ISM1: variants seen among roughly 807,000 people sequenced by gnomAD.
The protein encoded by ISM1 is isthmin 1.
In ISM1, 25 loss-of-function variants were observed where a neutral mutation model predicts 46.3. The observed-to-expected ratio is 0.54, with a 90% CI of 0.39 to 0.75. The LOEUF is 0.75. Among genes scored for constraint, ISM1 ranks in the 30% least tolerant of loss-of-function variants. ISM1 has a pLI of 0.00. For synonymous variants in ISM1, 255 were observed against 256.7 expected (o/e 0.99, Z 0.06); for missense variants, 536 against 625.4 (o/e 0.86, Z 1.52).
intron 1 of ISM1, among the ~76,000 whole-genome samples, chr20:13,224,841 CTTTTTT>C (rs1162270732): frequency 1.9e-5 from 2 of 107,256 alleles, no homozygotes. Flanking sequence ...AGCTTTCTTT[CTTTTTT>C]TTTTTTTTTT....
In ISM1 at chr20:13,299,763, T is replaced by G. The variant is rs186187289; in HGVS notation, c.*304T>G. On this transcript the variant is annotated 3_prime_UTR_variant, in exon 6 of 6. Coordinates refer to ENST00000262487, the MANE Select transcript of ISM1 (RefSeq NM_080826.2). This position sits in a 1 kb window ranked among gnomAD's most constrained non-coding sequence, Gnocchi z 5.8. ...GAAGCCACAGTGGGTGCGACTCAAT[T>G]CACACCCGGATCCAGAGTTTCAAAG... 148 of 287,926 alleles carry G rather than the reference T, an allele frequency of 5.1e-4. 1 individual carries two copies. The highest frequency in any genetic ancestry group is 2.8e-4 in the Non-Finnish European group (42 of 152,664). The allele number at this position is 287,926 out of a possible 1,614,324, so 17.8% of individuals were successfully genotyped here. A position where few individuals can be genotyped will look rare whatever the true frequency, so the allele number is the denominator to read the frequency against.
intron 5 of ISM1, among the ~76,000 whole-genome samples, chr20:13,294,561 C>G (rs370176762): frequency 1.3e-5 from 2 of 152,302 alleles, no homozygotes; most frequent in African/African-American, 4.8e-5. Flanking sequence ...CTAAGGACAC[C>G]AGAGCTGAGT....
At chr20:13,267,143 A>G (rs1315574940) in intron 1 of ISM1, among the ~76,000 whole-genome samples, 1 of 152,138 alleles carries the variant, frequency 6.6e-6, no homozygotes. Flanking sequence ...AGGATTTCCA[A>G]TTTCTTAACA....
the ISM1 span, among the ~76,000 whole-genome samples, chr20:13,324,290 G>A: frequency 6.6e-6 from 1 of 152,184 alleles, no homozygotes; most frequent in Admixed American, 6.5e-5. Context: ...GAATCAATTA[G>A]CTTAAAAATT....
chr20:13,279,962 A>G, intron 3 of ISM1, 64 bp downstream of exon 3: 14 of 1,492,420 alleles, frequency 9.4e-6, no homozygotes, highest in Non-Finnish European at 1.3e-5. Context: ...TGCCTTGGAC[A>G]TGGAGCCAAG....
the ISM1 span, among the ~76,000 whole-genome samples, chr20:13,314,607 GC>G: frequency 6.6e-6 from 1 of 152,052 alleles, no homozygotes; most frequent in Non-Finnish European, 1.5e-5. Flanking sequence ...CAGTAGAAGT[GC>G]CTTGCAAGAA....
Position 13,299,565 on chromosome 20 carries a change from ATTTG to A in ISM1, c.*108_*111del. The A allele has an allele frequency of 7.0e-6, 7 of 1,004,126 alleles. No homozygotes were observed. Among genetic ancestry groups the A allele is most frequent in the South Asian group, 1.5e-5 (1 of 65,510 alleles). The allele number at this position is 1,004,126 out of a possible 1,614,324, so 62.2% of individuals were successfully genotyped here. A position where few individuals can be genotyped will look rare whatever the true frequency, so the allele number is the denominator to read the frequency against. ...GACCTTCATAGCTGCGGTCGTGTAT[ATTTG>A]TATATACCACATGAGTATTTCTCAT... On this transcript the variant is annotated 3_prime_UTR_variant, in exon 6 of 6. Coordinates refer to ENST00000262487, the MANE Select transcript of ISM1 (RefSeq NM_080826.2). This position sits in a 1 kb window ranked among gnomAD's most constrained non-coding sequence, Gnocchi z 5.8.
At chr20:13,290,672 A>G (rs1344040949) in intron 4 of ISM1, among the ~76,000 whole-genome samples, 1 of 152,206 alleles carries the variant, frequency 6.6e-6, no homozygotes, top group Non-Finnish European at 1.5e-5. Flanking sequence ...CAAAAAAAGA[A>G]AGAAAGAAAA....
chr20:13,325,013 T>C, the ISM1 span, among the ~76,000 whole-genome samples: 1 of 152,226 alleles, frequency 6.6e-6, no homozygotes, highest in African/African-American at 2.4e-5. Context: ...TGCAGCTATT[T>C]CTCTATTGCT....
At chr20:13,276,048 T>G (rs149685415) in intron 2 of ISM1, among the ~76,000 whole-genome samples, 236 of 152,346 alleles carry the variant, frequency 1.5e-3, no homozygotes, top group Non-Finnish European at 2.7e-3. Context: ...GGGAATTAGA[T>G]ATCTTCCTAG....
At chr20:13,266,570 C>T (rs1442828446) in intron 1 of ISM1, among the ~76,000 whole-genome samples, 4 of 151,992 alleles carry the variant, frequency 2.6e-5, no homozygotes, top group African/African-American at 9.7e-5. Context: ...AACTCATTGT[C>T]GATGTTAACT....
intron 1 of ISM1, among the ~76,000 whole-genome samples, chr20:13,226,507 TATTTCTTCATGA>T (rs1237140296): frequency 6.6e-6 from 1 of 152,228 alleles, no homozygotes; most frequent in African/African-American, 2.4e-5. Flanking sequence ...ACCACCATTT[TATTTCTTCATGA>T]ATTTGTATGA....
intron 5 of ISM1, among the ~76,000 whole-genome samples, chr20:13,293,559 C>G (rs2040376679): frequency 6.6e-6 from 1 of 151,702 alleles, no homozygotes; most frequent in African/African-American, 2.4e-5. Context: ...CAAAAATGTT[C>G]CTCAAATGCC....
At position 13,299,046 on chromosome 20, in the gene ISM1, A is replaced by G. The variant is rs576266551; in HGVS notation, c.982A>G (p.Thr328Ala). Residue 328 changes from threonine (T) to alanine (A), a missense_variant, in exon 6 of 6, where the codon ACT becomes GCT. Thr to Ala is a moderately conservative substitution (Grantham distance 58). Transcript: ENST00000262487. This position sits in a 1 kb window ranked among gnomAD's most constrained non-coding sequence, Gnocchi z 5.8. ...DLPSCPCSYP[T>A]EVAYSTADIF... ...GCCCAGCTGCCCCTGCTCCTACCCC[A>G]CTGAGGTGGCCTACAGCACGGCCGA... 3.1e-6 allele frequency: 5 copies of G among 1,613,762 alleles called. No individual in the cohort carries two copies. In the Admixed American group the frequency reaches 6.7e-5, roughly 22 times the overall value.
chr20:13,296,110 AT>A (rs1302397753), intron 5 of ISM1, among the ~76,000 whole-genome samples: 14 of 152,052 alleles, frequency 9.2e-5, no homozygotes, highest in Admixed American at 6.5e-5. Flanking sequence ...GCTTCCTTAG[AT>A]ATGCCTCATC....
chr20:13,291,775 A>G (rs1404708759), intron 4 of ISM1, among the ~76,000 whole-genome samples: 1 of 152,226 alleles, frequency 6.6e-6, no homozygotes, highest in East Asian at 1.9e-4. Flanking sequence ...TAGCATCCTC[A>G]GTGAGCTAGA....
the ISM1 span, among the ~76,000 whole-genome samples, chr20:13,312,592 C>T: frequency 6.6e-6 from 1 of 152,160 alleles, no homozygotes; most frequent in African/African-American, 2.4e-5. Flanking sequence ...GAGTCGCAGC[C>T]TGCTGAATCA....
intron 2 of ISM1, among the ~76,000 whole-genome samples, chr20:13,271,007 T>C (rs1387389697): frequency 2.0e-5 from 3 of 152,182 alleles, no homozygotes; most frequent in African/African-American, 7.2e-5. Flanking sequence ...GATTACAAGA[T>C]ACATACTAAT....
At chr20:13,322,282 T>C in the ISM1 span, among the ~76,000 whole-genome samples, 1 of 152,194 alleles carries the variant, frequency 6.6e-6, no homozygotes, top group African/African-American at 2.4e-5. Context: ...CAGTTTGTGC[T>C]GCATCTCCTG....
Sources: allele counts gnomAD v4.1 joint callset (sites outside exome capture counted in the v4.1 genomes callset), GRCh38; gene constraint gnomAD v4.1.1; non-coding constraint Gnocchi (gnomAD v3.1); transcripts MANE v1.5; gene names NCBI Gene and HGNC (gene_info 2026-07-23, HGNC 2026-07-21).